MATCAP2: variants seen among roughly 807,000 people sequenced by gnomAD.
MATCAP2 encodes putative tyrosine carboxypeptidase MATCAP2.
the MATCAP2 span, chr7:36,326,661 G>A: frequency 2.9e-5 from 32 of 1,088,374 alleles, no homozygotes; most frequent in African/African-American, 4.6e-4. Context: ...GAAAACACAA[G>A]TAGTCTTTCT....
the MATCAP2 span, chr7:36,389,969 T>G: frequency 6.2e-7 from 1 of 1,613,962 alleles, no homozygotes; most frequent in African/African-American, 1.3e-5. Context: ...AGACTCACTT[T>G]TCTCTTCCTG....
chr7:36,351,600 T>C, the MATCAP2 span, among the ~76,000 whole-genome samples: 1 of 152,014 alleles, frequency 6.6e-6, no homozygotes, highest in Admixed American at 6.6e-5. Context: ...CCAATAACTC[T>C]ACTAAGTTAC....
chr7:36,363,793 A>G, the MATCAP2 span, among the ~76,000 whole-genome samples: 1 of 152,192 alleles, frequency 6.6e-6, no homozygotes, highest in Non-Finnish European at 1.5e-5. Context: ...GTATTATTGT[A>G]AGGATTTTAA....
chr7:36,335,664 CACTG>C, the MATCAP2 span, among the ~76,000 whole-genome samples: 3 of 152,232 alleles, frequency 2.0e-5, no homozygotes, highest in Non-Finnish European at 4.4e-5. Context: ...AACAAAAAGA[CACTG>C]AACACATCAA....
chr7:36,357,481 C>T, the MATCAP2 span: 1 of 1,614,080 alleles, frequency 6.2e-7, no homozygotes, highest in African/African-American at 1.3e-5. Context: ...TGTCTTTTAG[C>T]ACTCCCGAGG....
the MATCAP2 span, chr7:36,366,650 G>A: frequency 1.3e-6 from 2 of 1,525,468 alleles, no homozygotes; most frequent in Non-Finnish European, 1.8e-6. Flanking sequence ...TGTAAGACCA[G>A]CAACCGGTCT....
the MATCAP2 span, among the ~76,000 whole-genome samples, chr7:36,336,967 A>G: frequency 6.6e-6 from 1 of 151,428 alleles, no homozygotes; most frequent in African/African-American, 2.4e-5. Flanking sequence ...ATGGTGGCAC[A>G]TGCTTGTAGT....
chr7:36,371,276 G>A, the MATCAP2 span, among the ~76,000 whole-genome samples: 6,969 of 151,882 alleles, frequency 0.046, 300 homozygotes, highest in Admixed American at 0.13. Flanking sequence ...CAGGCCAGGC[G>A]AATTTTTTGT....
chr7:36,381,579 G>A, the MATCAP2 span, among the ~76,000 whole-genome samples: 1 of 151,498 alleles, frequency 6.6e-6, no homozygotes, highest in African/African-American at 2.4e-5. Flanking sequence ...GCTGAGGCAG[G>A]AGAATTGCTT....
chr7:36,373,664 TG>T, the MATCAP2 span, among the ~76,000 whole-genome samples: 2 of 152,152 alleles, frequency 1.3e-5, no homozygotes, highest in African/African-American at 4.8e-5. Context: ...TAGACTAGTC[TG>T]GGACTCTTGG....
chr7:36,364,091 CT>C, the MATCAP2 span, among the ~76,000 whole-genome samples: 449 of 40,602 alleles, frequency 0.011, no homozygotes, highest in East Asian at 0.036. Context: ...TCTTCTTCTT[CT>C]TTTTTTTTTT....
At chr7:36,387,935 G>GA in the MATCAP2 span, among the ~76,000 whole-genome samples, 4 of 151,768 alleles carry the variant, frequency 2.6e-5, no homozygotes, top group Non-Finnish European at 4.4e-5. Flanking sequence ...TGTCACACTT[G>GA]AAAAAAATGG....
the MATCAP2 span, chr7:36,355,370 CT>C: frequency 6.6e-6 from 1 of 152,184 alleles, no homozygotes; most frequent in Non-Finnish European, 1.5e-5. Context: ...TATGTAATCA[CT>C]ATGTTAATGC....
At chr7:36,389,876 A>C in the MATCAP2 span, 268 of 1,395,744 alleles carry the variant, frequency 1.9e-4, no homozygotes, top group Non-Finnish European at 2.4e-4. Flanking sequence ...CCGTCACTGG[A>C]AGCCGAGAGG....
At chr7:36,370,527 G>A in the MATCAP2 span, among the ~76,000 whole-genome samples, 1 of 151,604 alleles carries the variant, frequency 6.6e-6, no homozygotes, top group Non-Finnish European at 1.5e-5. Context: ...TTTTGCTCAG[G>A]CTGGAGTACA....
the MATCAP2 span, among the ~76,000 whole-genome samples, chr7:36,353,272 C>G: frequency 1.3e-5 from 2 of 152,034 alleles, no homozygotes; most frequent in East Asian, 3.9e-4. Flanking sequence ...GAGCAAGACC[C>G]TGTCTCAAAA....
At chr7:36,356,674 T>C in the MATCAP2 span, 2 of 585,366 alleles carry the variant, frequency 3.4e-6, no homozygotes, top group Non-Finnish European at 6.1e-6. Context: ...TATAATTGCT[T>C]CCTGTCACAA....
At chr7:36,366,849 A>T in the MATCAP2 span, 1 of 1,504,824 alleles carries the variant, frequency 6.6e-7, no homozygotes, top group East Asian at 2.6e-5. Context: ...CCATTACCTG[A>T]GCCCCGGGCG....
At chr7:36,335,328 G>A in the MATCAP2 span, 5 of 759,666 alleles carry the variant, frequency 6.6e-6, no homozygotes, top group East Asian at 1.1e-4. Flanking sequence ...GGAATGTGCA[G>A]CCAAACCACC....
Sources: allele counts gnomAD v4.1 joint callset (sites outside exome capture counted in the v4.1 genomes callset), GRCh38; gene constraint gnomAD v4.1.1; transcripts MANE v1.5; gene names NCBI Gene and HGNC (gene_info 2026-07-23, HGNC 2026-07-21).